USP30: variants seen among roughly 807,000 people sequenced by gnomAD.
USP30 encodes ubiquitin carboxyl-terminal hydrolase 30.
USP30 carries 41 observed loss-of-function variants against 68.2 expected under a neutral mutation model. The observed-to-expected ratio is 0.60, with a 90% CI of 0.47 to 0.78. The LOEUF (loss-of-function observed/expected upper bound fraction) is 0.78, where lower values mean the gene tolerates loss of function less well. Among genes scored for constraint, USP30 ranks in the 30% least tolerant of loss-of-function variants. The pLI is 0.00. For synonymous variants in USP30, 229 were observed against 253.7 expected, an observed-to-expected ratio of 0.90 and a Z score of 0.93; for missense variants, 522 against 649.4, an observed-to-expected ratio of 0.80 and a Z score of 2.13.
chr12:109,030,496 G>A (rs2040473101), intron 3 of USP30, among the ~76,000 whole-genome samples: 1 of 152,206 alleles, frequency 6.6e-6, no homozygotes, highest in Non-Finnish European at 1.5e-5. Flanking sequence ...TATACAAGAT[G>A]AATAAATTCT....
intron 3 of USP30, chr12:109,047,446 G>C (rs2040615773): frequency 6.6e-6 from 1 of 152,122 alleles, no homozygotes; most frequent in South Asian, 2.1e-4. Flanking sequence ...TTATTGTTTT[G>C]TTTTGGCCCC....
chr12:109,046,819 C>T (rs2040609171), intron 3 of USP30, among the ~76,000 whole-genome samples: 1 of 152,162 alleles, frequency 6.6e-6, no homozygotes, highest in African/African-American at 2.4e-5. Context: ...ACCTCAGCCT[C>T]CCGAGTAGCT....
rs1374948181 is a variant in USP30 at position 109,082,753 on chromosome 12, C to T, written c.948+10C>T. On this transcript the variant is annotated intron_variant, in intron 10 of 12. Transcript: ENST00000257548. ...GTTAAAACTAGGGAAGGTGAGCCCACACTACACACCCTGTTGGCTTTGTTT... is the reference window on the plus strand; with the variant it reads ...GTTAAAACTAGGGAAGGTGAGCCCATACTACACACCCTGTTGGCTTTGTTT... 2 of 1,613,288 alleles carry T rather than the reference C, an allele frequency of 1.2e-6. No individual in the cohort carries two copies. The highest frequency in any genetic ancestry group is 1.7e-6 in the Non-Finnish European group (2 of 1,179,524).
chr12:109,050,058 G>A (rs2040645262), upstream of USP30, among the ~76,000 whole-genome samples: 1 of 152,222 alleles, frequency 6.6e-6, no homozygotes, highest in Non-Finnish European at 1.5e-5. Flanking sequence ...AACTTTGGGA[G>A]GCCAAGGTGG....
At chr12:109,047,093 T>C (rs899804576) in intron 3 of USP30, among the ~76,000 whole-genome samples, 1 of 152,188 alleles carries the variant, frequency 6.6e-6, no homozygotes, top group Admixed American at 6.5e-5. Context: ...TCAACACCTG[T>C]GGTCCCAGCA....
At chr12:109,071,102 G>A (rs187904157) in intron 4 of USP30, among the ~76,000 whole-genome samples, 1 of 152,288 alleles carries the variant, frequency 6.6e-6, no homozygotes, top group Admixed American at 6.5e-5. Flanking sequence ...ATAAAGAATG[G>A]TGGGTGCCAG....
chr12:109,069,988 TGGA>T (rs1338574410), intron 4 of USP30, among the ~76,000 whole-genome samples: 2 of 150,666 alleles, frequency 1.3e-5, no homozygotes, highest in Non-Finnish European at 3.0e-5. Flanking sequence ...GGGAGGGCGG[TGGA>T]GGAGAGGGGC....
At chr12:109,076,120 G>A (rs924588924) in intron 7 of USP30, among the ~76,000 whole-genome samples, 1 of 152,116 alleles carries the variant, frequency 6.6e-6, no homozygotes, top group Non-Finnish European at 1.5e-5. Context: ...TTAAGGAACT[G>A]TAATCTATAA....
At chr12:109,048,421 T>C (rs2040625103), upstream of USP30, among the ~76,000 whole-genome samples, 2 of 147,952 alleles carry the variant, frequency 1.4e-5, no homozygotes, top group South Asian at 4.3e-4. Context: ...TATTTCTGTT[T>C]CCATCAGTGA....
chr12:109,063,248 C>T (rs760265499), intron 3 of USP30, among the ~76,000 whole-genome samples: 4 of 151,996 alleles, frequency 2.6e-5, no homozygotes, highest in African/African-American at 4.8e-5. Context: ...GACAGGCGTG[C>T]ACCACCACAC....
At chr12:109,052,915 C>T (rs941221148) in intron 1 of USP30, 154 bp downstream of exon 1, 2 of 722,958 alleles carry the variant, frequency 2.8e-6, no homozygotes, top group Admixed American at 4.2e-5. Flanking sequence ...GGCCTGGGCC[C>T]GTAGGTGGGA....
At position 109,081,965 on chromosome 12, in the gene USP30, C is replaced by A; in HGVS notation, c.813C>A (p.His271Gln). The A allele has an allele frequency of 6.2e-7, 1 of 1,614,266 alleles. No individual in the cohort carries two copies. Among genetic ancestry groups the A allele is most frequent in the Non-Finnish European group, 8.5e-7 (1 of 1,180,050 alleles). Reference protein sequence around the residue: ...GHPLTLDHCLHHFISSESVRD... With the variant: ...GHPLTLDHCLQHFISSESVRD... ...CATTGACCCTGGACCACTGCCTTCACCACTTCATCTCATCAGAATCAGTGC... is the reference window on the plus strand; with the variant it reads ...CATTGACCCTGGACCACTGCCTTCAACACTTCATCTCATCAGAATCAGTGC... The change falls in exon 9 of 13, where the codon CAC becomes CAA. Residue 271 changes from histidine to glutamine, a missense_variant. Transcript: ENST00000257548.
upstream of USP30, among the ~76,000 whole-genome samples, chr12:109,050,786 A>G (rs1427261327): frequency 6.6e-6 from 1 of 152,110 alleles, no homozygotes; most frequent in East Asian, 1.9e-4. Flanking sequence ...AGGCGGATGG[A>G]TCACGAGGTC....
intron 3 of USP30, among the ~76,000 whole-genome samples, chr12:109,037,339 T>C (rs915966288): frequency 4.6e-5 from 7 of 152,228 alleles, no homozygotes; most frequent in African/African-American, 1.7e-4. Context: ...TTCCCTTAGA[T>C]CTTTATGTCT....
intron 3 of USP30, among the ~76,000 whole-genome samples, chr12:109,045,032 C>T (rs2040592814): frequency 1.5e-5 from 2 of 133,250 alleles, no homozygotes; most frequent in South Asian, 4.7e-4. Context: ...GGCTAGAGTG[C>T]AGTGGCGCAA....
rs746964786 is a variant in USP30 at position 109,058,000 on chromosome 12, C to T, written c.268C>T (p.Pro90Ser). 18 of 1,614,050 alleles carry T rather than the reference C, an allele frequency of 1.1e-5. No individual in the cohort carries two copies. In the Admixed American group the frequency reaches 2.5e-4, roughly 22 times the overall value. The change falls in exon 3 of 13, where the codon CCT (proline) becomes TCT (serine). Residue 90 changes from proline (P) to serine (S), a missense_variant. Physicochemically the swap from Pro to Ser is moderately conservative, Grantham distance 74. Coordinates refer to ENST00000257548, the MANE Select transcript of USP30 (RefSeq NM_032663.5). ...NSLLQGLSAC[P>S]AFIRWLEEFT... is the part of the protein sequence containing the mutation. ...CCTGCTACAAGGCCTGTCTGCCTGT[C>T]CTGCTTTCATCAGGTGGCTGGAAGA...
chr12:109,029,194 T>C (rs1450002249), intron 3 of USP30, among the ~76,000 whole-genome samples: 1 of 152,192 alleles, frequency 6.6e-6, no homozygotes, highest in South Asian at 2.1e-4. Context: ...TCCAGATGTC[T>C]AGCTCTGGAC....
Position 109,057,928 on chromosome 12 carries a change from C to T in USP30, c.196C>T (p.Leu66Phe). 6.2e-7 allele frequency: 1 copy of T among 1,606,988 alleles called. No homozygotes were observed. The highest frequency in any genetic ancestry group is 8.5e-7 in the Non-Finnish European group (1 of 1,177,804). The part of the protein sequence containing the change: ...ITERKKRRKG[L>F]VPGLVNLGNT... ...TCTTCCCCCTGCTTTTTTTTTAGGG[C>T]TTGTGCCTGGCCTTGTTAATTTAGG... Residue 66 changes from leucine (L) to phenylalanine (F), a missense_variant and splice_region_variant, in exon 3 of 13, where the codon CTT (leucine) becomes TTT (phenylalanine). Coordinates refer to ENST00000257548, the MANE Select transcript of USP30 (RefSeq NM_032663.5).
chr12:109,038,444 T>C (rs984606006), intron 3 of USP30, among the ~76,000 whole-genome samples: 3 of 152,350 alleles, frequency 2.0e-5, no homozygotes, highest in South Asian at 2.1e-4. Flanking sequence ...ATTGCTATTG[T>C]AAATAGCACA....
Sources: gnomAD v4.1 joint callset for allele counts (sites outside exome capture counted in the v4.1 genomes callset) on GRCh38, gnomAD v4.1.1 for gene constraint, MANE v1.5 for transcripts, NCBI Gene and HGNC (gene_info 2026-07-23, HGNC 2026-07-21) for gene names.